Variants in HNF4G observed in about 807,000 individuals in gnomAD.
HNF4G encodes the protein hepatocyte nuclear factor 4 gamma.
A neutral mutation model predicts 50.9 loss-of-function variants in HNF4G; 21 were observed. The ratio of observed to expected loss-of-function variants is 0.41; its 90% CI spans 0.29 to 0.59. HNF4G has a LOEUF of 0.59. Ranked by LOEUF, HNF4G falls within the 20% of genes least tolerant of loss-of-function variation. The pLI, the probability that HNF4G is intolerant of heterozygous loss-of-function variation, is 0.26. For synonymous variants in HNF4G, 198 were observed against 185.6 expected, an observed-to-expected ratio of 1.07 and a Z score of -0.54; for missense variants, 527 against 559.4, an observed-to-expected ratio of 0.94 and a Z score of 0.58.
intron 2 of HNF4G, among the ~76,000 whole-genome samples, chr8:75,500,194 A>G (rs1274789241): frequency 6.6e-6 from 1 of 152,138 alleles, no homozygotes; most frequent in African/African-American, 2.4e-5. Flanking sequence ...TGAAAACTCA[A>G]TCAAAAATGG....
intron 1 of HNF4G, among the ~76,000 whole-genome samples, chr8:75,488,529 C>T (rs1013505221): frequency 1.3e-5 from 2 of 152,086 alleles, no homozygotes; most frequent in Admixed American, 1.3e-4. Context: ...CTGCCCACCT[C>T]AGCTTCCCAA....
rs915621155 is a variant in HNF4G, at chr8:75,480,014, T to G, written c.-143-10075T>G. Among the ~76,000 whole-genome samples the G allele has an allele frequency of 2.0e-4, 31 of 152,240 alleles. 2 individuals carry two copies. Among genetic ancestry groups the G allele is most frequent in the African/African-American group, 7.2e-4 (30 of 41,550 alleles). On this transcript the variant is annotated intron_variant, in intron 1 of 10. Coordinates refer to the HNF4G transcript ENST00000354370. The stretch of plus-strand genomic sequence containing the variant: ...TTTTTTGATGTTATAGAAAAAAGTG[T>G]TATTTTTTGGAAAAATTCTCCCATA...
chr8:75,431,636 T>C (rs1231084236), intron 1 of HNF4G, among the ~76,000 whole-genome samples: 1 of 152,008 alleles, frequency 6.6e-6, no homozygotes, highest in Admixed American at 6.6e-5. Context: ...CTAAAGAATA[T>C]AGATGCTAAG....
intron 1 of HNF4G, among the ~76,000 whole-genome samples, chr8:75,453,600 C>T (rs902860712): frequency 2.7e-5 from 4 of 150,158 alleles, no homozygotes; most frequent in Non-Finnish European, 5.9e-5. Flanking sequence ...AATCTTGCTG[C>T]TACTCAATCT....
intron 2 of HNF4G, among the ~76,000 whole-genome samples, chr8:75,520,549 T>C (rs1171526143): frequency 1.3e-5 from 2 of 152,118 alleles, no homozygotes; most frequent in African/African-American, 4.8e-5. Context: ...GCAATATTCC[T>C]ACCTCATCCT....
intron 1 of HNF4G, among the ~76,000 whole-genome samples, chr8:75,461,448 C>T (rs534318399): frequency 6.6e-6 from 1 of 152,094 alleles, no homozygotes; most frequent in Non-Finnish European, 1.5e-5. Flanking sequence ...AGGACCCTTG[C>T]GATTATATCA....
intron 2 of HNF4G, among the ~76,000 whole-genome samples, chr8:75,496,154 C>T (rs1266228230): frequency 6.6e-6 from 1 of 151,886 alleles, no homozygotes; most frequent in Non-Finnish European, 1.5e-5. Flanking sequence ...AAGTAATATG[C>T]AAAAAATTTG....
Position 75,558,828 on chromosome 8 carries a change from A to G in HNF4G, c.914A>G (p.Lys305Arg), listed in dbSNP as rs1248840840. The G allele has an allele frequency of 6.2e-7, 1 of 1,614,068 alleles. No homozygotes were observed. Among genetic ancestry groups the G allele is most frequent in the South Asian group, 1.1e-5 (1 of 91,076 alleles). Residue 305 changes from lysine to arginine, a missense_variant, in exon 8 of 10, where the codon AAA becomes AGA. Physicochemically the swap from Lys to Arg is conservative, Grantham distance 26 (BLOSUM62 2). Coordinates refer to ENST00000396423, the MANE Select transcript of HNF4G (RefSeq NM_004133.5). ...GCAAAAGGGCTAAGCGATCCAGTAA[A>G]AATTAAGAACATGAGGTTCCAAGTG... ...PDAKGLSDPV[K>R]IKNMRFQVQI...
intron 1 of HNF4G, among the ~76,000 whole-genome samples, chr8:75,466,392 C>T (rs13254436): frequency 0.05 from 7,634 of 152,008 alleles, 264 homozygotes; most frequent in Non-Finnish European, 0.072. Flanking sequence ...TTTTATTAGA[C>T]TGTGCTGCTG....
At chr8:75,516,237 T>G (rs563324586) in intron 2 of HNF4G, among the ~76,000 whole-genome samples, 1 of 152,352 alleles carries the variant, frequency 6.6e-6, no homozygotes, top group South Asian at 2.1e-4. Context: ...CTCTAAGCAC[T>G]GCTTTAGCTT....
intron 2 of HNF4G, among the ~76,000 whole-genome samples, chr8:75,546,828 G>A (rs914835309): frequency 3.9e-5 from 6 of 152,110 alleles, no homozygotes; most frequent in Non-Finnish European, 8.8e-5. Flanking sequence ...ATGCTGCTGT[G>A]TACATTTATG....
intron 1 of HNF4G, among the ~76,000 whole-genome samples, chr8:75,452,644 G>C (rs1318425171): frequency 2.7e-5 from 4 of 149,714 alleles, no homozygotes; most frequent in Non-Finnish European, 5.9e-5. Context: ...GCGTGAACCC[G>C]GGAGGCGGAG....
At chr8:75,478,050 G>A (rs1408487094) in intron 1 of HNF4G, among the ~76,000 whole-genome samples, 1 of 152,100 alleles carries the variant, frequency 6.6e-6, no homozygotes, top group Non-Finnish European at 1.5e-5. Flanking sequence ...GGTGGCTCAC[G>A]CCTGTAATCC....
At position 75,491,537 on chromosome 8, in the gene HNF4G, C is replaced by T. The variant is rs552982225; in HGVS notation, c.-24+1329C>T. 8.9e-4 allele frequency among the ~76,000 whole-genome samples: 135 copies of T among 151,440 alleles called. 1 individual carries two copies. The highest frequency in any genetic ancestry group is 6.0e-3 in the South Asian group (29 of 4,812). ...TTGCCCAGGCTGGAGTGTAGTGGTG[C>T]GATCTCCGCTCACTGCAACCTCTGC... is the stretch of plus-strand genomic sequence containing the variant. On this transcript the variant is annotated intron_variant, in intron 2 of 10. Transcript: ENST00000354370.
chr8:75,480,498 C>T (rs1243947465), intron 1 of HNF4G, among the ~76,000 whole-genome samples: 3 of 152,122 alleles, frequency 2.0e-5, no homozygotes, highest in South Asian at 2.1e-4. Flanking sequence ...AAAATTCAGG[C>T]GGAGGTGAAG....
Position 75,541,245 on chromosome 8 carries a change from C to G in HNF4G, c.118+1165C>G, listed in dbSNP as rs115871814. Among the ~76,000 whole-genome samples, 757 of 152,106 alleles carry G rather than the reference C, an allele frequency of 5.0e-3. 3 individuals are homozygous for G. Among genetic ancestry groups the G allele is most frequent in the African/African-American group, 0.017 (712 of 41,532 alleles). On this transcript the variant is annotated intron_variant, in intron 1 of 9. Transcript: ENST00000396423. Reference sequence around the variant, plus strand: ...TTACTATAAGTGTTTAACAAATGTACTGAAATAACGATTTTGTATGGCTAT... The same window carrying G: ...TTACTATAAGTGTTTAACAAATGTAGTGAAATAACGATTTTGTATGGCTAT...
chr8:75,474,320 G>A lies in HNF4G; in HGVS notation c.-143-15769G>A, dbSNP rs190055969. 7.2e-5 allele frequency among the ~76,000 whole-genome samples: 11 copies of A among 152,176 alleles called. No individual in the cohort carries two copies. In the East Asian group the frequency reaches 1.9e-3, roughly 27 times the overall value. The stretch of plus-strand genomic sequence containing the variant: ...TTAGTAACAAGAGACACTTTTAAGT[G>A]TGTAAAAACATTTACTTTGCTAGGT... On this transcript the variant is annotated intron_variant, in intron 1 of 10. Coordinates refer to the HNF4G transcript ENST00000354370.
chr8:75,410,072 A>AT (rs541877144), intron 1 of HNF4G, among the ~76,000 whole-genome samples: 12 of 151,820 alleles, frequency 7.9e-5, no homozygotes, highest in South Asian at 4.2e-4. Flanking sequence ...ATATATACAG[A>AT]TTTTTTTTTA....
intron 2 of HNF4G, among the ~76,000 whole-genome samples, chr8:75,513,720 T>C (rs1212825074): frequency 6.6e-6 from 1 of 152,008 alleles, no homozygotes; most frequent in Non-Finnish European, 1.5e-5. Flanking sequence ...CAACTATAGT[T>C]GTTTTATGCA....
Sources: allele counts gnomAD v4.1 joint callset (sites outside exome capture counted in the v4.1 genomes callset), GRCh38; gene constraint gnomAD v4.1.1; transcripts MANE v1.5; gene names NCBI Gene and HGNC (gene_info 2026-07-23, HGNC 2026-07-21).